Variants in RBM47 observed in about 807,000 individuals in gnomAD.
The protein encoded by RBM47 is RNA binding motif protein 47, also known as RNA-binding protein 47.
RBM47 carries 21 observed loss-of-function variants against 47.1 expected under a neutral mutation model. The observed-to-expected ratio is 0.45, with a 90% CI of 0.32 to 0.64. RBM47 has a LOEUF of 0.64. RBM47 is among the 30% of genes least tolerant of loss of function. The pLI, the probability that RBM47 is intolerant of heterozygous loss-of-function variation, is 0.05. For synonymous variants in RBM47, 375 were observed against 361.7 expected (o/e 1.04, Z -0.42); for missense variants, 708 against 870.9 (o/e 0.81, Z 2.35).
chr4:40,484,128 A>C (rs2154243165), intron 2 of RBM47, among the ~76,000 whole-genome samples: 1 of 152,382 alleles, frequency 6.6e-6, no homozygotes, highest in Admixed American at 6.5e-5. Flanking sequence ...AGAAAACTTT[A>C]TGTAGGGTAC....
intron 2 of RBM47, among the ~76,000 whole-genome samples, chr4:40,517,406 G>A (rs929889207): frequency 1.2e-4 from 18 of 152,048 alleles, no homozygotes; most frequent in African/African-American, 4.1e-4. Flanking sequence ...CAAAGTGCTG[G>A]GATTACAGGC....
chr4:40,569,315 A>G (rs1731444850), intron 1 of RBM47, among the ~76,000 whole-genome samples: 1 of 152,040 alleles, frequency 6.6e-6, no homozygotes, highest in African/African-American at 2.4e-5. Flanking sequence ...GCAGGCCGAC[A>G]ACTGCCTTCT....
chr4:40,520,634 C>T (rs751992039), intron 2 of RBM47, among the ~76,000 whole-genome samples: 34 of 152,298 alleles, frequency 2.2e-4, no homozygotes, highest in African/African-American at 6.0e-4. Context: ...CTAAATCTTC[C>T]GGAATCTTCC....
Position 40,628,482 on chromosome 4 carries a change from G to C in RBM47, c.-240+914C>G, listed in dbSNP as rs1737939640. Among the ~76,000 whole-genome samples, 1 of 152,134 alleles carries C rather than the reference G, an allele frequency of 6.6e-6. No individual in the cohort carries two copies. Among genetic ancestry groups the C allele is most frequent in the Admixed American group, 6.6e-5 (1 of 15,266 alleles). The stretch of plus-strand genomic sequence containing the variant: ...GCACCTGCAATTCTCAAATGCTCTG[G>C]ATCTAATTGCCAACCTTTTGAGCTC... On this transcript the variant is annotated intron_variant, in intron 1 of 6. Coordinates refer to ENST00000295971, the MANE Select transcript of RBM47 (RefSeq NM_001098634.2). The surrounding 1 kb of genome is among the most constrained non-coding windows in gnomAD (Gnocchi z 4.0).
rs73809066 is a variant in RBM47, at chr4:40,569,339, C to T, written c.-239-24833G>A. Among the ~76,000 whole-genome samples the T allele has an allele frequency of 4.5e-3, 676 of 151,874 alleles. 5 individuals are homozygous for T. The highest frequency in any genetic ancestry group is 0.015 in the African/African-American group (636 of 41,426). ...CAACTGCCTTCTTAAGCACCAACAA[C>T]GGAAGCCAAAAGAGTAGAACGAGAG... On this transcript the variant is annotated intron_variant, in intron 1 of 6. Coordinates refer to ENST00000295971, the MANE Select transcript of RBM47 (RefSeq NM_001098634.2).
intron 1 of RBM47, among the ~76,000 whole-genome samples, chr4:40,598,869 G>T (rs1016661953): frequency 1.3e-5 from 2 of 148,514 alleles, no homozygotes; most frequent in Non-Finnish European, 3.0e-5. Context: ...AAAAAAAAGA[G>T]TTGGGGAGGA....
intron 2 of RBM47, among the ~76,000 whole-genome samples, chr4:40,527,962 G>A (rs150180103): frequency 5.3e-5 from 8 of 152,246 alleles, no homozygotes; most frequent in African/African-American, 9.6e-5. Context: ...ACTTGTTTTC[G>A]TATTTCAAAA....
intron 2 of RBM47, among the ~76,000 whole-genome samples, chr4:40,531,371 C>T (rs1727371714): frequency 6.6e-6 from 1 of 151,854 alleles, no homozygotes. Flanking sequence ...AGAGTAGCTG[C>T]GAAGGAGCTG....
chr4:40,544,613 T>C (rs185063062), intron 1 of RBM47, 107 bp from the exon 2 acceptor site: 5 of 152,156 alleles, frequency 3.3e-5, no homozygotes, highest in Non-Finnish European at 2.9e-5. Flanking sequence ...AGAAGGAACA[T>C]GGTGTTTTGC....
intron 1 of RBM47, among the ~76,000 whole-genome samples, chr4:40,594,139 A>G (rs1410668150): frequency 6.6e-6 from 1 of 152,072 alleles, no homozygotes; most frequent in Non-Finnish European, 1.5e-5. Flanking sequence ...CCCACTTCAA[A>G]TATGAAAATC....
chr4:40,581,680 C>T (rs1201078415), intron 1 of RBM47, among the ~76,000 whole-genome samples: 1 of 151,814 alleles, frequency 6.6e-6, no homozygotes, highest in African/African-American at 2.4e-5. Context: ...GCTCAGAAAC[C>T]ACAGACAGAA....
At chr4:40,499,323 C>T (rs986051737) in intron 2 of RBM47, among the ~76,000 whole-genome samples, 37 of 152,274 alleles carry the variant, frequency 2.4e-4, no homozygotes, top group Non-Finnish European at 2.5e-4. Context: ...ACCCCTATTT[C>T]ATTAAAAGTA....
At chr4:40,588,502 AAACACG>A (rs1437681547) in intron 1 of RBM47, among the ~76,000 whole-genome samples, 1 of 152,224 alleles carries the variant, frequency 6.6e-6, no homozygotes, top group Non-Finnish European at 1.5e-5. Flanking sequence ...ACTCTCTTGA[AAACACG>A]AAATTATGGA....
chr4:40,496,788 C>T lies in RBM47; in HGVS notation c.-154-30089G>A, dbSNP rs379596. On this transcript the variant is annotated intron_variant, in intron 2 of 6. Coordinates refer to ENST00000295971, the MANE Select transcript of RBM47 (RefSeq NM_001098634.2). ...GGCACAGTGGCTCACGTCTGTAATCCCAGCACTTTGGGAGGCAAAGGTGGG... is the reference window on the plus strand; with the variant it reads ...GGCACAGTGGCTCACGTCTGTAATCTCAGCACTTTGGGAGGCAAAGGTGGG... 2.0e-3 allele frequency among the ~76,000 whole-genome samples: 307 copies of T among 152,218 alleles called. 1 individual carries two copies. The highest frequency in any genetic ancestry group is 7.1e-3 in the African/African-American group (297 of 41,550).
intron 1 of RBM47, among the ~76,000 whole-genome samples, chr4:40,588,992 CTTTTTTTTTTT>C (rs34195998): frequency 0.02 from 1,557 of 79,544 alleles, 37 homozygotes; most frequent in African/African-American, 0.071. Context: ...TAAAGCGTTT[CTTTTTTTTTTT>C]TTTTTTTTTT....
chr4:40,549,344 T>A (rs1005476427), intron 1 of RBM47, among the ~76,000 whole-genome samples: 5 of 150,348 alleles, frequency 3.3e-5, no homozygotes, highest in African/African-American at 1.2e-4. Flanking sequence ...CACCTGCCTC[T>A]GCCTCCCAAA....
At chr4:40,580,028 G>C (rs1462968465) in intron 1 of RBM47, among the ~76,000 whole-genome samples, 1 of 152,038 alleles carries the variant, frequency 6.6e-6, no homozygotes, top group African/African-American at 2.4e-5. Flanking sequence ...AAAGTGCTGG[G>C]ATTACAGGAG....
chr4:40,532,309 ATTTTT>A (rs34850081), intron 2 of RBM47, among the ~76,000 whole-genome samples: 3 of 65,780 alleles, frequency 4.6e-5, no homozygotes, highest in Admixed American at 2.1e-4. Context: ...CACGCCCGGC[ATTTTT>A]TTTTTTTTTT....
intron 3 of RBM47, among the ~76,000 whole-genome samples, chr4:40,460,882 C>CT (rs1717015452): frequency 1.2e-5 from 1 of 83,766 alleles, no homozygotes; most frequent in African/African-American, 4.5e-5. Flanking sequence ...AGTTAAGACT[C>CT]TGTCTCAAAA....
Sources: gnomAD v4.1 joint callset for allele counts (sites outside exome capture counted in the v4.1 genomes callset) on GRCh38, gnomAD v4.1.1 for gene constraint, Gnocchi (gnomAD v3.1) non-coding constraint, MANE v1.5 for transcripts, NCBI Gene and HGNC (gene_info 2026-07-23, HGNC 2026-07-21) for gene names.